Variants in SRPK2 observed in about 807,000 individuals in gnomAD.
SRPK2 encodes SFRS protein kinase 2.
In SRPK2, 21 loss-of-function variants were observed where a neutral mutation model predicts 90.8. That is an observed-to-expected ratio of 0.23 (90% CI 0.16 to 0.33). SRPK2 has a LOEUF of 0.33. SRPK2 is among the 10% of genes least tolerant of loss of function. The pLI, the probability that SRPK2 is intolerant of heterozygous loss-of-function variation, is 1.00. For missense variants in SRPK2, 620 were observed against 869.0 expected (o/e 0.71, Z 3.60); for synonymous variants, 288 against 311.1 (o/e 0.93, Z 0.78).
downstream of SRPK2, chr7:105,115,560 A>G (rs1435289453): frequency 6.6e-6 from 1 of 152,200 alleles, no homozygotes; most frequent in Non-Finnish European, 1.5e-5. Flanking sequence ...GCTAGTTATA[A>G]TGTTTAGCAT....
At chr7:105,263,432 T>C (rs1804602717) in intron 2 of SRPK2, among the ~76,000 whole-genome samples, 1 of 152,170 alleles carries the variant, frequency 6.6e-6, no homozygotes, top group South Asian at 2.1e-4. Flanking sequence ...GGTATATTCA[T>C]GAATACTGTA....
At chr7:105,253,992 G>A (rs1802863680) in intron 2 of SRPK2, among the ~76,000 whole-genome samples, 1 of 152,076 alleles carries the variant, frequency 6.6e-6, no homozygotes, top group Admixed American at 6.6e-5. Flanking sequence ...ATAACTTCTT[G>A]AAATCCTTAC....
chr7:105,296,559 T>C (rs935734655), intron 2 of SRPK2, among the ~76,000 whole-genome samples: 2 of 152,142 alleles, frequency 1.3e-5, no homozygotes, highest in African/African-American at 4.8e-5. Flanking sequence ...AAGTATAACT[T>C]AGAGGAATTA....
chr7:105,365,861 T>C (rs1252532133), intron 2 of SRPK2, among the ~76,000 whole-genome samples: 5 of 149,706 alleles, frequency 3.3e-5, no homozygotes, highest in Non-Finnish European at 5.9e-5. Context: ...TTTTATTTCT[T>C]CCTTTTTTTT....
chr7:105,390,351 C>T (rs773423115), upstream of SRPK2, among the ~76,000 whole-genome samples: 2 of 152,046 alleles, frequency 1.3e-5, no homozygotes, highest in Non-Finnish European at 2.9e-5. Flanking sequence ...AAGGATCATC[C>T]GTTGCATTTA....
At chr7:105,336,051 T>C (rs919557138) in intron 2 of SRPK2, among the ~76,000 whole-genome samples, 1 of 152,194 alleles carries the variant, frequency 6.6e-6, no homozygotes, top group Admixed American at 6.6e-5. Flanking sequence ...ACAAAATGTT[T>C]ATTTATGAAA....
chr7:105,300,786 C>CA lies in SRPK2; in HGVS notation c.71+87861dup, dbSNP rs548482757. Reference sequence around the variant, plus strand: ...AAAAATGCTCATCATCACTAGTCATCAAAAAAATGCAAATCAAAACCACAA... The same window carrying CA: ...AAAAATGCTCATCATCACTAGTCATCAAAAAAAATGCAAATCAAAACCACAA... On this transcript the variant is annotated intron_variant, in intron 2 of 15. Transcript: ENST00000393651. Among the ~76,000 whole-genome samples the CA allele has an allele frequency of 2.9e-3, 445 of 152,240 alleles. 1 individual carries two copies. Among genetic ancestry groups the CA allele is most frequent in the African/African-American group, 9.9e-3 (412 of 41,528 alleles).
chr7:105,258,014 G>A (rs1026029714), intron 2 of SRPK2, among the ~76,000 whole-genome samples: 1 of 151,992 alleles, frequency 6.6e-6, no homozygotes, highest in Non-Finnish European at 1.5e-5. Context: ...GGGGGAGGCA[G>A]GATAATTGCT....
chr7:105,285,574 C>CT (rs1563192656), intron 2 of SRPK2, among the ~76,000 whole-genome samples: 1 of 151,834 alleles, frequency 6.6e-6, no homozygotes, highest in East Asian at 1.9e-4. Context: ...GTGGGGCCTG[C>CT]TGGGAGGTGT....
At chr7:105,144,265 G>A (rs1804218278) in intron 9 of SRPK2, among the ~76,000 whole-genome samples, 1 of 132,628 alleles carries the variant, frequency 7.5e-6, no homozygotes, top group Non-Finnish European at 1.6e-5. Flanking sequence ...TTTTGAGATG[G>A]AGTCTCACTC....
In SRPK2 at chr7:105,142,199, T is replaced by C; in HGVS notation, c.1352A>G (p.Asn451Ser). The change falls in exon 11 of 16, where the codon AAT (asparagine) becomes AGT (serine). Residue 451 changes from asparagine (N) to serine (S), a missense_variant. Coordinates refer to ENST00000393651, the MANE Select transcript of SRPK2 (RefSeq NM_182692.3). Reference protein sequence around the residue: ...SYEQFNGELPNGRHKIPESQF... With the variant: ...SYEQFNGELPSGRHKIPESQF... ...TGACTCGGGAATTTTATGTCGTCCATTTGGCAATTCACCATTGAATTGTTC... is the reference window on the plus strand; with the variant it reads ...TGACTCGGGAATTTTATGTCGTCCACTTGGCAATTCACCATTGAATTGTTC... 6.2e-7 allele frequency: 1 copy of C among 1,614,102 alleles called. No homozygotes were observed. Among genetic ancestry groups the C allele is most frequent in the Non-Finnish European group, 8.5e-7 (1 of 1,180,034 alleles).
intron 3 of SRPK2, 83 bp from the exon 4 acceptor site, chr7:105,169,348 T>A: frequency 9.4e-7 from 1 of 1,063,102 alleles, no homozygotes; most frequent in African/African-American, 1.6e-5. Context: ...TCATTCTTGA[T>A]GTCATTAAAG....
chr7:105,341,132 A>G lies in SRPK2; in HGVS notation c.71+47516T>C, dbSNP rs562492993. Reference sequence around the variant, plus strand: ...TGTAATCCCAGCACTTTGGGAGGCCAAGGCAGGCAGACCACAAGGTCAGGA... The same window carrying G: ...TGTAATCCCAGCACTTTGGGAGGCCGAGGCAGGCAGACCACAAGGTCAGGA... On this transcript the variant is annotated intron_variant, in intron 2 of 15. Transcript: ENST00000393651. Among the ~76,000 whole-genome samples the G allele has an allele frequency of 3.0e-4, 46 of 152,148 alleles. No homozygotes were observed. The East Asian group carries it at 8.2e-3, about 27-fold the overall frequency.
chr7:105,212,048 C>A (rs575751198), intron 2 of SRPK2, among the ~76,000 whole-genome samples: 22 of 152,208 alleles, frequency 1.4e-4, no homozygotes, highest in Non-Finnish European at 2.8e-4. Flanking sequence ...TTATCCTTCC[C>A]ATTTTACACA....
At chr7:105,293,100 C>A (rs1351512640) in intron 2 of SRPK2, among the ~76,000 whole-genome samples, 2 of 152,030 alleles carry the variant, frequency 1.3e-5, no homozygotes, top group Admixed American at 1.3e-4. Context: ...GAGTTCGAGA[C>A]CAGCTTGGCA....
intron 2 of SRPK2, among the ~76,000 whole-genome samples, chr7:105,229,855 T>C (rs901252193): frequency 6.6e-6 from 1 of 152,244 alleles, no homozygotes; most frequent in African/African-American, 2.4e-5. Flanking sequence ...GCTGAGTCGC[T>C]GTCCCAGGGA....
At chr7:105,234,517 T>C (rs1799893778) in intron 2 of SRPK2, among the ~76,000 whole-genome samples, 1 of 152,088 alleles carries the variant, frequency 6.6e-6, no homozygotes, top group Admixed American at 6.6e-5. Context: ...CTTCAACCCG[T>C]AAAATAATGC....
chr7:105,147,766 G>GA (rs1188848421), intron 7 of SRPK2, among the ~76,000 whole-genome samples: 1 of 151,904 alleles, frequency 6.6e-6, no homozygotes, highest in African/African-American at 2.4e-5. Context: ...CCTATAAATG[G>GA]AATCATATAA....
chr7:105,326,275 A>C (rs1245459034), intron 2 of SRPK2, among the ~76,000 whole-genome samples: 1 of 152,156 alleles, frequency 6.6e-6, no homozygotes, highest in Non-Finnish European at 1.5e-5. Context: ...CCTAGCTTTC[A>C]CTTTTACCAC....
Sources: gnomAD v4.1 joint callset for allele counts (sites outside exome capture counted in the v4.1 genomes callset) on GRCh38, gnomAD v4.1.1 for gene constraint, MANE v1.5 for transcripts, NCBI Gene and HGNC (gene_info 2026-07-23, HGNC 2026-07-21) for gene names.